The following IL1RAPL1 variants were observed in gnomAD, a reference collection of about 807,000 sequenced individuals.
The protein encoded by IL1RAPL1 is interleukin 1 receptor accessory protein like 1, also known as interleukin-1 receptor accessory protein-like 1.
In IL1RAPL1, 3 loss-of-function variants were observed where a neutral mutation model predicts 48.4. That is an observed-to-expected ratio of 0.06 (90% CI 0.03 to 0.16). The LOEUF is 0.16. IL1RAPL1 is among the 10% of genes least tolerant of loss of function. IL1RAPL1 has a pLI of 1.00. For missense variants in IL1RAPL1, 349 were observed against 530.6 expected (o/e 0.66, Z 3.36); for synonymous variants, 185 against 187.7 (o/e 0.99, Z 0.12).
intron 6 of IL1RAPL1, among the ~76,000 whole-genome samples, chrX:29,808,334 G>A (rs905521005): frequency 9.0e-6 from 1 of 111,079 alleles, no homozygotes; most frequent in African/African-American, 3.3e-5. Flanking sequence ...TTTTGGATTT[G>A]GATTGTCTTT....
intron 6 of IL1RAPL1, among the ~76,000 whole-genome samples, chrX:29,779,712 A>C (rs767495650): frequency 8.9e-6 from 1 of 112,122 alleles, no homozygotes; most frequent in African/African-American, 3.2e-5. Flanking sequence ...GTTGTACTAT[A>C]AAATATACTT....
chrX:29,543,322 TTGGATGGATGAA>T (rs1488314536), intron 5 of IL1RAPL1, among the ~76,000 whole-genome samples: 11 of 110,598 alleles, frequency 9.9e-5, no homozygotes, highest in African/African-American at 3.6e-4. Flanking sequence ...GAATGAATAA[TTGGATGGATGAA>T]TGGATGGATG....
At chrX:29,832,675 T>C (rs1323754398) in intron 6 of IL1RAPL1, among the ~76,000 whole-genome samples, 2 of 109,317 alleles carry the variant, frequency 1.8e-5, no homozygotes, top group Non-Finnish European at 3.8e-5. Flanking sequence ...TCCTCCTTAT[T>C]TCCTCTGTAA....
In IL1RAPL1 at chrX:28,723,757, C is replaced by T. The variant is rs4289996; in HGVS notation, c.-24-65563C>T. ...GTGGCATAAATTTCCCTCTACACAC[C>T]GCTTTAAATGTGTCCCAGAGATTCT... On this transcript the variant is annotated intron_variant, in intron 1 of 10. Transcript: ENST00000378993. Among the ~76,000 whole-genome samples, 1,101 of 111,496 alleles carry T rather than the reference C, an allele frequency of 9.9e-3. 15 individuals are homozygous for T. Among genetic ancestry groups the T allele is most frequent in the African/African-American group, 0.034 (1,043 of 30,629 alleles).
At chrX:29,043,071 C>G (rs1332862269) in intron 2 of IL1RAPL1, among the ~76,000 whole-genome samples, 1 of 111,545 alleles carries the variant, frequency 9.0e-6, no homozygotes, top group Non-Finnish European at 1.9e-5. Context: ...CTGTCACACA[C>G]CTGTTCTTCC....
chrX:29,167,952 C>T (rs939886546), intron 2 of IL1RAPL1, among the ~76,000 whole-genome samples: 2 of 110,646 alleles, frequency 1.8e-5, no homozygotes, highest in Non-Finnish European at 1.9e-5. Flanking sequence ...TACTAAAAAG[C>T]GATTATCACC....
At position 28,690,818 on chromosome X, in the gene IL1RAPL1, A is replaced by T. The variant is rs140664227; in HGVS notation, c.-24-98502A>T. 9.9e-3 allele frequency among the ~76,000 whole-genome samples: 1,101 copies of T among 110,825 alleles called. 20 individuals are homozygous for T. The highest frequency in any genetic ancestry group is 0.034 in the African/African-American group (1,044 of 30,465). Reference sequence around the variant, plus strand: ...AATTTTAACCATAATCATAATCATAACCATAACCATACCAATAATTAAAAC... The same window carrying T: ...AATTTTAACCATAATCATAATCATATCCATAACCATACCAATAATTAAAAC... On this transcript the variant is annotated intron_variant, in intron 1 of 10. Coordinates refer to ENST00000378993, the MANE Select transcript of IL1RAPL1 (RefSeq NM_014271.4).
chrX:28,781,589 C>T (rs1173110190), intron 1 of IL1RAPL1, among the ~76,000 whole-genome samples: 1 of 110,722 alleles, frequency 9.0e-6, no homozygotes, highest in African/African-American at 3.3e-5. Flanking sequence ...CCTACAAAAT[C>T]CTTCTATCTT....
chrX:28,803,115 T>G (rs996777698), intron 2 of IL1RAPL1, among the ~76,000 whole-genome samples: 1 of 111,730 alleles, frequency 9.0e-6, no homozygotes, highest in African/African-American at 3.2e-5. Flanking sequence ...TAGCCCTATA[T>G]TACCAGAATT....
chrX:29,476,844 A>G (rs986809711), intron 5 of IL1RAPL1, among the ~76,000 whole-genome samples: 18 of 101,020 alleles, frequency 1.8e-4, no homozygotes, highest in Non-Finnish European at 3.0e-4. Context: ...CTTTAAATAC[A>G]GTGACTCATT....
chrX:29,286,492 C>T (rs1932285121), intron 3 of IL1RAPL1, among the ~76,000 whole-genome samples: 1 of 110,498 alleles, frequency 9.0e-6, no homozygotes, highest in African/African-American at 3.3e-5. Context: ...GACCAGCCTG[C>T]GTAACACAGT....
chrX:29,545,379 A>G (rs1921594551), intron 5 of IL1RAPL1, among the ~76,000 whole-genome samples: 2 of 111,596 alleles, frequency 1.8e-5, no homozygotes, highest in Non-Finnish European at 3.8e-5. Flanking sequence ...GTATAAAGAA[A>G]CACAAGTCTT....
At chrX:28,885,500 T>C (rs1005287173) in intron 2 of IL1RAPL1, among the ~76,000 whole-genome samples, 2 of 111,731 alleles carry the variant, frequency 1.8e-5, no homozygotes, top group African/African-American at 3.2e-5. Context: ...TACTCTCAAG[T>C]TGAACATAGA....
chrX:29,338,996 A>G (rs1933034760), intron 3 of IL1RAPL1, among the ~76,000 whole-genome samples: 1 of 109,431 alleles, frequency 9.1e-6, no homozygotes, highest in Non-Finnish European at 1.9e-5. Context: ...CCCAGCACTA[A>G]GATAAATAAT....
At chrX:29,901,047 T>A (rs1932486484) in intron 6 of IL1RAPL1, among the ~76,000 whole-genome samples, 1 of 111,983 alleles carries the variant, frequency 8.9e-6, no homozygotes, top group African/African-American at 3.2e-5. Flanking sequence ...TTGCTCCCCA[T>A]TTTTTTCCTC....
intron 2 of IL1RAPL1, among the ~76,000 whole-genome samples, chrX:28,905,903 T>C (rs1024918842): frequency 8.9e-6 from 1 of 111,814 alleles, no homozygotes; most frequent in Non-Finnish European, 1.9e-5. Flanking sequence ...GAGTGAAAAC[T>C]GAAAGAAGGC....
At chrX:28,809,077 T>A (rs1437750978) in intron 2 of IL1RAPL1, among the ~76,000 whole-genome samples, 1 of 110,841 alleles carries the variant, frequency 9.0e-6, no homozygotes, top group African/African-American at 3.3e-5. Flanking sequence ...TTTGCTTTTT[T>A]AATGGCTGTT....
intron 10 of IL1RAPL1, 98 bp from the exon 11 acceptor site, chrX:29,955,004 G>T: frequency 2.8e-6 from 2 of 717,073 alleles, no homozygotes; most frequent in South Asian, 2.2e-5. Flanking sequence ...TCTATTCAGT[G>T]AACTAGTTTC....
intron 6 of IL1RAPL1, among the ~76,000 whole-genome samples, chrX:29,673,923 A>G (rs973553957): frequency 2.7e-5 from 3 of 112,093 alleles, no homozygotes; most frequent in South Asian, 3.7e-4. Context: ...TTATTATCGT[A>G]TATCATTAAA....
Sources: allele counts gnomAD v4.1 joint callset (sites outside exome capture counted in the v4.1 genomes callset), GRCh38; gene constraint gnomAD v4.1.1; transcripts MANE v1.5; gene names NCBI Gene and HGNC (gene_info 2026-07-23, HGNC 2026-07-21).